Variants in LDB2 observed in about 807,000 individuals in gnomAD.
LDB2 encodes LIM domain-binding protein 2.
In LDB2, 12 loss-of-function variants were observed where a neutral mutation model predicts 44.3. The ratio of observed to expected loss-of-function variants is 0.27; its 90% CI spans 0.17 to 0.44. LDB2 has a LOEUF of 0.44. LDB2 is among the 20% of genes least tolerant of loss of function. The pLI is 1.00. For missense variants in LDB2, 344 were observed against 473.5 expected (o/e 0.73, Z 2.54); for synonymous variants, 164 against 174.8 (o/e 0.94, Z 0.49).
chr4:16,588,705 C>T lies in LDB2; in HGVS notation c.531+5G>A. On this transcript the variant is annotated splice_donor_5th_base_variant and intron_variant, in intron 4 of 7. Transcript: ENST00000304523. Reference sequence around the variant, plus strand: ...AGAAAGCAAAACAGAAATTAAATTACTTACATGCATGGCTAGGATGCTTCT... The same window carrying T: ...AGAAAGCAAAACAGAAATTAAATTATTTACATGCATGGCTAGGATGCTTCT... The T allele has an allele frequency of 6.2e-7, 1 of 1,611,458 alleles. No homozygotes were observed. Among genetic ancestry groups the T allele is most frequent in the Non-Finnish European group, 8.5e-7 (1 of 1,178,978 alleles).
chr4:16,609,114 C>T (rs1427704732), intron 2 of LDB2, among the ~76,000 whole-genome samples: 1 of 152,086 alleles, frequency 6.6e-6, no homozygotes, highest in Non-Finnish European at 1.5e-5. Flanking sequence ...AAGAACAGCG[C>T]GGGGCAGTGG....
chr4:16,507,730 A>G (rs2152215281), intron 7 of LDB2, among the ~76,000 whole-genome samples: 1 of 152,274 alleles, frequency 6.6e-6, no homozygotes, highest in East Asian at 1.9e-4. Flanking sequence ...GAACAGAAGC[A>G]CTTTAAAGGA....
chr4:16,505,901 C>A (rs1258959375), intron 7 of LDB2: 1 of 1,551,428 alleles, frequency 6.4e-7, no homozygotes, highest in African/African-American at 1.4e-5. Context: ...TTAAATTGGC[C>A]AGAAGGGGTC....
At chr4:16,605,162 G>A (rs1723586191) in intron 2 of LDB2, among the ~76,000 whole-genome samples, 2 of 152,094 alleles carry the variant, frequency 1.3e-5, no homozygotes, top group Non-Finnish European at 1.5e-5. Context: ...TCCCGGTTAT[G>A]GTAATACTGA....
At chr4:16,702,932 C>T (rs541854822) in intron 2 of LDB2, among the ~76,000 whole-genome samples, 4 of 152,294 alleles carry the variant, frequency 2.6e-5, no homozygotes, top group Non-Finnish European at 5.9e-5. Context: ...ATGCACCCTC[C>T]TCACCTGTAC....
intron 6 of LDB2, among the ~76,000 whole-genome samples, chr4:16,509,927 G>A (rs899450645): frequency 1.3e-5 from 2 of 152,100 alleles, no homozygotes; most frequent in Non-Finnish European, 2.9e-5. Context: ...ACCAACTTGG[G>A]CAACATGGTG....
Position 16,533,785 on chromosome 4 carries a change from TTAATTAA to T in LDB2, c.616-21688_616-21682del, listed in dbSNP as rs1299556716. Among the ~76,000 whole-genome samples, 1 of 152,170 alleles carries T rather than the reference TTAATTAA, an allele frequency of 6.6e-6. No homozygotes were observed. Among genetic ancestry groups the T allele is most frequent in the East Asian group, 1.9e-4 (1 of 5,184 alleles). On this transcript the variant is annotated intron_variant, in intron 5 of 7. Transcript: ENST00000304523. This position sits in a 1 kb window ranked among gnomAD's most constrained non-coding sequence, Gnocchi z 4.1. Reference sequence around the variant, plus strand: ...AACAATTCCTGGAAAGGTGAAATTTTTAATTAAATGTATTCAAAGGGAATACAGATTA... The same window carrying T: ...AACAATTCCTGGAAAGGTGAAATTTTATGTATTCAAAGGGAATACAGATTA...
At chr4:16,881,941 T>C (rs748740491) in intron 1 of LDB2, among the ~76,000 whole-genome samples, 7 of 152,234 alleles carry the variant, frequency 4.6e-5, no homozygotes, top group Non-Finnish European at 7.3e-5. Flanking sequence ...AGATGTAGCA[T>C]TGTTAAGAAG....
chr4:16,853,188 A>T (rs1285096312), intron 1 of LDB2, among the ~76,000 whole-genome samples: 1 of 152,232 alleles, frequency 6.6e-6, no homozygotes, highest in Non-Finnish European at 1.5e-5. Context: ...CAACAAAATG[A>T]AACAGCAGCC....
chr4:16,659,669 GTGTA>G (rs1243087614), intron 2 of LDB2, among the ~76,000 whole-genome samples: 83 of 69,496 alleles, frequency 1.2e-3, no homozygotes, highest in African/African-American at 4.0e-3. Flanking sequence ...ATATCTATGT[GTGTA>G]TATATATATA....
At chr4:16,873,930 G>T (rs1717555343) in intron 1 of LDB2, among the ~76,000 whole-genome samples, 1 of 152,096 alleles carries the variant, frequency 6.6e-6, no homozygotes, top group Non-Finnish European at 1.5e-5. Flanking sequence ...TTTGTGAAAG[G>T]CTTCTTCTAT....
chr4:16,557,391 C>G (rs370790136), intron 5 of LDB2, among the ~76,000 whole-genome samples: 13 of 152,172 alleles, frequency 8.5e-5, no homozygotes, highest in African/African-American at 3.1e-4. Context: ...CTTAAAAAGG[C>G]GCACCAGGAG....
intron 2 of LDB2, among the ~76,000 whole-genome samples, chr4:16,751,400 T>C (rs1485091075): frequency 6.6e-6 from 1 of 152,204 alleles, no homozygotes; most frequent in East Asian, 1.9e-4. Context: ...ATCATTAGTG[T>C]GGTATTTACC....
chr4:16,679,618 C>T (rs768151254), intron 2 of LDB2, among the ~76,000 whole-genome samples: 6 of 152,124 alleles, frequency 3.9e-5, no homozygotes, highest in South Asian at 2.1e-4. Context: ...GTCTGTGAGC[C>T]GCCTTCAGCA....
chr4:16,736,955 T>G (rs1246241026), intron 2 of LDB2, among the ~76,000 whole-genome samples: 1 of 152,160 alleles, frequency 6.6e-6, no homozygotes, highest in Non-Finnish European at 1.5e-5. Flanking sequence ...AAAAAACTAT[T>G]CATAAATTTA....
At chr4:16,681,442 G>A (rs1278798433) in intron 2 of LDB2, among the ~76,000 whole-genome samples, 1 of 152,048 alleles carries the variant, frequency 6.6e-6, no homozygotes, top group African/African-American at 2.4e-5. Flanking sequence ...GGCCTTGTGA[G>A]AACCTAAACT....
intron 5 of LDB2, among the ~76,000 whole-genome samples, chr4:16,521,772 G>C (rs1388217856): frequency 1.3e-5 from 2 of 152,098 alleles, no homozygotes; most frequent in Non-Finnish European, 2.9e-5. Context: ...GTGATTGTTT[G>C]TCCAGCTCCA....
intron 1 of LDB2, among the ~76,000 whole-genome samples, chr4:16,808,839 C>T (rs112919665): frequency 4.6e-5 from 7 of 152,204 alleles, no homozygotes; most frequent in African/African-American, 1.7e-4. Flanking sequence ...CAGTAAATAG[C>T]GGGTCCTGGT....
chr4:16,594,950 A>G (rs916322754), intron 3 of LDB2, among the ~76,000 whole-genome samples: 1 of 152,340 alleles, frequency 6.6e-6, no homozygotes, highest in South Asian at 2.1e-4. Context: ...TACCTGCAAA[A>G]GGACATAAAG....
Sources: gnomAD v4.1 joint callset for allele counts (sites outside exome capture counted in the v4.1 genomes callset) on GRCh38, gnomAD v4.1.1 for gene constraint, Gnocchi (gnomAD v3.1) non-coding constraint, MANE v1.5 for transcripts, NCBI Gene and HGNC (gene_info 2026-07-23, HGNC 2026-07-21) for gene names.